MYBPHL: variants seen among roughly 807,000 people sequenced by gnomAD.
The protein encoded by MYBPHL is myosin binding protein H like, also known as myosin-binding protein H-like.
Under a neutral mutation model 39.5 loss-of-function variants are expected in MYBPHL, and 32 were observed. The observed-to-expected ratio is 0.81, with a 90% confidence interval of 0.61 to 1.09. The LOEUF (loss-of-function observed/expected upper bound fraction) is 1.09. Ranked by LOEUF, MYBPHL falls within the 50% of genes least tolerant of loss-of-function variation. The probability of loss-of-function intolerance (pLI) is 0.00; values close to 1 mark genes in which losing one functional copy is unlikely to be tolerated. For missense variants in MYBPHL, 456 were observed against 460.2 expected (o/e 0.99, Z 0.08); for synonymous variants, 196 against 183.7 (o/e 1.07, Z -0.54).
chr1:109,306,210 G>C (rs1658463009), intron 1 of MYBPHL, among the ~76,000 whole-genome samples: 2 of 152,200 alleles, frequency 1.3e-5, no homozygotes, highest in African/African-American at 4.8e-5. Flanking sequence ...GAAGCTCGGG[G>C]TTGGAATTCC....
rs537656645 is a variant in MYBPHL, at chr1:109,298,086, A to G, written c.234+83T>C. The G allele has an allele frequency of 1.7e-4, 204 of 1,193,706 alleles. No homozygotes were observed. The Admixed American group carries it at 4.3e-3, about 25-fold the overall frequency. 73.9% of individuals were successfully genotyped at this position (1,193,706 alleles called of 1,614,324 possible). A position where few individuals can be genotyped will look rare whatever the true frequency, so the allele number is the denominator to read the frequency against. ...AGGCTGGGAAGATTGCCCCTCTGCT[A>G]GCAGGACTCTTGGTATCTGTTTCCA... On this transcript the variant is annotated intron_variant, in intron 2 of 8. Coordinates refer to ENST00000357155, the MANE Select transcript of MYBPHL (RefSeq NM_001010985.3).
In MYBPHL at chr1:109,296,269, T is replaced by C. The variant is rs1228957459; in HGVS notation, c.832A>G (p.Thr278Ala). 2 of 1,613,730 alleles carry C rather than the reference T, an allele frequency of 1.2e-6. No homozygotes were observed. The highest frequency in any genetic ancestry group is 1.7e-6 in the Non-Finnish European group (2 of 1,179,962). ...ADCTTVTGYN[T>A]QLFCCVRASP... ...GCGCGGACACAGCAGAAGAGCTGGGTATTATAGCCGGTGACTGTAGTGCAG... is the reference window on the plus strand; with the variant it reads ...GCGCGGACACAGCAGAAGAGCTGGGCATTATAGCCGGTGACTGTAGTGCAG... The change falls in exon 6 of 9, where the codon ACC becomes GCC. Residue 278 changes from threonine to alanine, a missense_variant. Physicochemically the swap from Thr to Ala is moderately conservative, Grantham distance 58. Transcript: ENST00000357155.
chr1:109,301,283 CA>C (rs1557765613), intron 1 of MYBPHL, among the ~76,000 whole-genome samples: 1 of 152,138 alleles, frequency 6.6e-6, no homozygotes, highest in African/African-American at 2.4e-5. Flanking sequence ...TTTCTAAGAG[CA>C]GGTCTGTGAG....
intron 6 of MYBPHL, among the ~76,000 whole-genome samples, chr1:109,295,894 C>T (rs776900652): frequency 5.9e-5 from 9 of 152,146 alleles, no homozygotes; most frequent in Non-Finnish European, 1.0e-4. Context: ...TGCATGTGCA[C>T]GGCCCTGATG....
chr1:109,300,752 G>T (rs1410483193), intron 1 of MYBPHL, among the ~76,000 whole-genome samples: 2 of 148,242 alleles, frequency 1.3e-5, no homozygotes, highest in African/African-American at 5.3e-5. Flanking sequence ...AAGGAAGGAG[G>T]CTGCCCGCGA....
rs529084571 is a variant in MYBPHL, at chr1:109,296,160, G to A, written c.867+74C>T. On this transcript the variant is annotated intron_variant, in intron 6 of 8. Coordinates refer to ENST00000357155, the MANE Select transcript of MYBPHL (RefSeq NM_001010985.3). ...AACAGATGTTATGTTACAGTGCTCT[G>A]CAACTCAGCTTAGGTTAGGACAGGC... 3.4e-5 allele frequency: 53 copies of A among 1,563,738 alleles called. No homozygotes were observed. The African/African-American group carries it at 6.7e-4, about 20-fold the overall frequency.
rs897720722 is a variant in MYBPHL, at chr1:109,296,318, T to C, written c.783A>G (p.Pro261=). 2 of 1,614,158 alleles carry C rather than the reference T, an allele frequency of 1.2e-6. No homozygotes were observed. The highest frequency in any genetic ancestry group is 2.2e-5 in the East Asian group (1 of 44,884). ...GFAQRDFSEA[P]KFTQPLADCT... ...AGTCGGCCAGAGGCTGGGTAAACTT[T>C]GGGGCTTCAGAGAAGTCTCGTTGGG... Residue 261 remains proline, a synonymous_variant, in exon 6 of 9, where the codon CCA becomes CCG. Transcript: ENST00000357155.
chr1:109,305,398 G>A (rs990912125), intron 1 of MYBPHL, among the ~76,000 whole-genome samples: 2 of 152,234 alleles, frequency 1.3e-5, no homozygotes, highest in Non-Finnish European at 2.9e-5. Flanking sequence ...GTGGCCCTGA[G>A]GCCTGCAGTG....
At chr1:109,306,495 C>A (rs1658473319) in intron 1 of MYBPHL, among the ~76,000 whole-genome samples, 1 of 152,178 alleles carries the variant, frequency 6.6e-6, no homozygotes, top group African/African-American at 2.4e-5. Flanking sequence ...TCTCTTACCC[C>A]TCAGTCCCTT....
At chr1:109,299,617 C>A (rs1244807216) in intron 1 of MYBPHL, among the ~76,000 whole-genome samples, 1 of 152,242 alleles carries the variant, frequency 6.6e-6, no homozygotes. Flanking sequence ...ATGTACAGTG[C>A]ACACGGTCCG....
chr1:109,298,290 G>C (rs1360585773), intron 1 of MYBPHL, 33 bp from the exon 2 acceptor site: 2 of 1,577,670 alleles, frequency 1.3e-6, no homozygotes, highest in African/African-American at 1.4e-5. Flanking sequence ...ATAGGAGATG[G>C]ATACTCAGAG....
chr1:109,306,917 A>C lies in MYBPHL; in HGVS notation c.75T>G (p.Ala25=). ...LKVKEASPAD[A]EPPQASPGQG... ...GTCCAGGTGAAGCCTGGGGTGGTTC[A>C]GCATCCGCTGGGCTGGCTTCTTTCA... is the stretch of plus-strand genomic sequence containing the variant. The change falls in exon 1 of 9, where the codon GCT becomes GCG. Residue 25 remains alanine (A), a synonymous_variant. Coordinates refer to ENST00000357155, the MANE Select transcript of MYBPHL (RefSeq NM_001010985.3). The C allele has an allele frequency of 1.2e-6, 2 of 1,609,756 alleles. No homozygotes were observed. Among genetic ancestry groups the C allele is most frequent in the Non-Finnish European group, 8.5e-7 (1 of 1,178,080 alleles).
intron 8 of MYBPHL, among the ~76,000 whole-genome samples, chr1:109,293,481 C>A (rs1303771919): frequency 2.6e-5 from 4 of 152,128 alleles, no homozygotes; most frequent in Non-Finnish European, 5.9e-5. Flanking sequence ...CAGTGGCTCA[C>A]GCCTGTAATC....
Position 109,306,981 on chromosome 1 carries a change from G to A in MYBPHL, c.11C>T (p.Ala4Val), listed in dbSNP as rs774909164. 7 of 1,610,766 alleles carry A rather than the reference G, an allele frequency of 4.3e-6. No homozygotes were observed. The South Asian group carries it at 7.7e-5, about 18-fold the overall frequency. ...TCCTGCGGCCACCTCCGGAGCTGTG[G>A]CTGCCTCCATGCTGGGCCTTCCCAG... MEA[A>V]TAPEVAAGSK... Residue 4 changes from alanine (A) to valine (V), a missense_variant, in exon 1 of 9, where the codon GCC becomes GTC. Transcript: ENST00000357155.
intron 1 of MYBPHL, among the ~76,000 whole-genome samples, chr1:109,305,819 C>T (rs186361069): frequency 1.3e-5 from 2 of 152,344 alleles, no homozygotes; most frequent in African/African-American, 4.8e-5. Context: ...TAGAACGCAG[C>T]CTTCACCTCT....
intron 1 of MYBPHL, among the ~76,000 whole-genome samples, chr1:109,298,909 G>A (rs1272203313): frequency 1.3e-5 from 2 of 152,158 alleles, no homozygotes; most frequent in African/African-American, 4.8e-5. Context: ...GACAGATTAG[G>A]TCCACCACTC....
chr1:109,295,170 G>T lies in MYBPHL; in HGVS notation c.995C>A (p.Thr332Asn). 1 of 1,614,094 alleles carries T rather than the reference G, an allele frequency of 6.2e-7. No homozygotes were observed. Among genetic ancestry groups the T allele is most frequent in the South Asian group, 1.1e-5 (1 of 91,072 alleles). The part of the protein sequence containing the change: ...KPGPFDGGIY[T>N]CKAVNPLGEA... Reference sequence around the variant, plus strand: ...CCCTAGGGGGTTCACCGCCTTGCAGGTATAGATGCCTCCATCAAAGGGACC... The same window carrying T: ...CCCTAGGGGGTTCACCGCCTTGCAGTTATAGATGCCTCCATCAAAGGGACC... Residue 332 changes from threonine to asparagine, a missense_variant, in exon 7 of 9, where the codon ACC becomes AAC. Thr to Asn is a moderately conservative substitution (Grantham distance 65). Transcript: ENST00000357155.
At chr1:109,296,159 T>C in intron 6 of MYBPHL, 75 bp downstream of exon 6, 1 of 1,565,182 alleles carries the variant, frequency 6.4e-7, no homozygotes, top group Non-Finnish European at 8.7e-7. Flanking sequence ...TACAGTGCTC[T>C]GCAACTCAGC....
intron 1 of MYBPHL, among the ~76,000 whole-genome samples, chr1:109,302,021 G>A (rs1306803120): frequency 6.6e-6 from 1 of 152,034 alleles, no homozygotes; most frequent in Non-Finnish European, 1.5e-5. Flanking sequence ...GAGAGGGTGT[G>A]TGTGTGTTTG....
Sources: allele counts gnomAD v4.1 joint callset (sites outside exome capture counted in the v4.1 genomes callset), GRCh38; gene constraint gnomAD v4.1.1; transcripts MANE v1.5; gene names NCBI Gene and HGNC (gene_info 2026-07-23, HGNC 2026-07-21).